Variants in APOBEC3G observed in about 807,000 individuals in gnomAD.
APOBEC3G encodes DNA dC->dU-editing enzyme APOBEC-3G.
A neutral mutation model predicts 50.0 loss-of-function variants in APOBEC3G; 44 were observed. The observed-to-expected ratio is 0.88, with a 90% CI of 0.69 to 1.13. The LOEUF is 1.13. Among genes scored for constraint, APOBEC3G ranks in the 50% most tolerant of loss-of-function variants. APOBEC3G has a pLI of 0.00. For missense variants in APOBEC3G, 469 were observed against 492.0 expected, an observed-to-expected ratio of 0.95 and a Z score of 0.44; for synonymous variants, 156 against 175.3, an observed-to-expected ratio of 0.89 and a Z score of 0.87.
At chr22:39,081,905 C>A in intron 4 of APOBEC3G, 1 of 278,850 alleles carries the variant, frequency 3.6e-6, no homozygotes, top group Non-Finnish European at 6.8e-6. Flanking sequence ...CCGAATTTGT[C>A]GTAAAACTGG....
At chr22:39,084,521 G>A (rs913966507) in intron 5 of APOBEC3G, among the ~76,000 whole-genome samples, 3 of 107,804 alleles carry the variant, frequency 2.8e-5, no homozygotes, top group Non-Finnish European at 4.1e-5. Flanking sequence ...GCGAGACTCC[G>A]TCTCAAGAAA....
rs770604583 is a variant in APOBEC3G at position 39,077,359 on chromosome 22, A to G, written c.-3A>G. 1.3e-6 allele frequency: 2 copies of G among 1,580,318 alleles called. No individual in the cohort carries two copies. Among genetic ancestry groups the G allele is most frequent in the Non-Finnish European group, 1.7e-6 (2 of 1,162,690 alleles). ...GATCTTAGTCGGGACTAGCCGGCCAAGGATGAAGCCTCACTTCAGGTACCG... is the reference window on the plus strand; with the variant it reads ...GATCTTAGTCGGGACTAGCCGGCCAGGGATGAAGCCTCACTTCAGGTACCG... On this transcript the variant is annotated 5_prime_UTR_variant, in exon 1 of 8. Coordinates refer to ENST00000407997, the MANE Select transcript of APOBEC3G (RefSeq NM_021822.4).
chr22:39,086,990 A>G (rs542618653), intron 6 of APOBEC3G, 21 bp from the exon 7 acceptor site: 1 of 1,582,852 alleles, frequency 6.3e-7, no homozygotes, highest in African/African-American at 1.3e-5. Context: ...AGTGTGACTT[A>G]TCTCCCCTGT....
At chr22:39,083,653 G>A in intron 4 of APOBEC3G, 78 bp from the exon 5 acceptor site, 2 of 1,523,764 alleles carry the variant, frequency 1.3e-6, no homozygotes, top group Non-Finnish European at 1.8e-6. Context: ...GTGCAAGGGA[G>A]GAAGCGTGGA....
chr22:39,087,659 A>C lies in APOBEC3G; in HGVS notation c.*238A>C. The C allele has an allele frequency of 2.5e-6, 2 of 789,910 alleles. No individual in the cohort carries two copies. The highest frequency in any genetic ancestry group is 4.4e-5 in the South Asian group (2 of 45,448). The allele number at this position is 789,910 out of a possible 1,614,324, so 48.9% of individuals were successfully genotyped here. On this transcript the variant is annotated 3_prime_UTR_variant, in exon 8 of 8. Transcript: ENST00000407997. The stretch of plus-strand genomic sequence containing the variant: ...TACTAAGATTGTGCTCAATACACAG[A>C]AAAGTTTCAAACCTACTAATCCAGC...
chr22:39,084,250 C>T (rs937625659), intron 5 of APOBEC3G, among the ~76,000 whole-genome samples: 4 of 152,142 alleles, frequency 2.6e-5, no homozygotes, highest in Non-Finnish European at 4.4e-5. Context: ...CGCTTCCGGC[C>T]GGGCACGGTG....
chr22:39,077,506 C>G, intron 1 of APOBEC3G, 128 bp downstream of exon 1: 2 of 1,485,554 alleles, frequency 1.3e-6, no homozygotes, highest in South Asian at 2.4e-5. Flanking sequence ...TCTGACTCCC[C>G]TGCACCCCCT....
rs1011553055 is a variant in APOBEC3G, at chr22:39,080,942, G to A, written c.181G>A (p.Glu61Lys). 4.6e-5 allele frequency: 72 copies of A among 1,557,172 alleles called. No homozygotes were observed. The highest frequency in any genetic ancestry group is 6.2e-5 in the Non-Finnish European group (71 of 1,144,784). Residue 61 changes from glutamate to lysine, a missense_variant, in exon 3 of 8, where the codon GAA (glutamate) becomes AAA (lysine). Physicochemically the swap from Glu to Lys is moderately conservative, Grantham distance 56 (BLOSUM62 1). Coordinates refer to ENST00000407997, the MANE Select transcript of APOBEC3G (RefSeq NM_021822.4). ...AKIFRGQVYS[E>K]LKYHPEMRFF... The stretch of plus-strand genomic sequence containing the variant: ...CCTGCTCCTCTCCCAGGTGTATTCC[G>A]AACTTAAGTACCACCCAGAGATGAG...
intron 2 of APOBEC3G, chr22:39,080,055 AAAG>A (rs1257713818): frequency 5.8e-6 from 1 of 172,974 alleles, no homozygotes; most frequent in African/African-American, 2.4e-5. Flanking sequence ...AAAAAAAAAA[AAAG>A]AAATGAGTGG....
intron 4 of APOBEC3G, among the ~76,000 whole-genome samples, chr22:39,083,437 G>C (rs1417741668): frequency 6.6e-6 from 1 of 152,162 alleles, no homozygotes; most frequent in African/African-American, 2.4e-5. Flanking sequence ...AGACCCAGCT[G>C]TACCCCAGGG....
At chr22:39,081,261 A>G (rs1231639461) in intron 3 of APOBEC3G, 34 bp downstream of exon 3, 2 of 1,604,916 alleles carry the variant, frequency 1.2e-6, no homozygotes. Flanking sequence ...TGTGGGAGAG[A>G]CTGCTTAAGT....
Position 39,083,887 on chromosome 22 carries a change from G to T in APOBEC3G, c.735+3G>T. ...GCAGGGGCTTTCTATGCAACCAGGT[G>T]ACCAACCCAGCCACCCGCATCCAGG... On this transcript the variant is annotated splice_donor_region_variant and intron_variant, in intron 5 of 7. Coordinates refer to ENST00000407997, the MANE Select transcript of APOBEC3G (RefSeq NM_021822.4). 1.9e-6 allele frequency: 3 copies of T among 1,612,078 alleles called. No homozygotes were observed. The South Asian group carries it at 3.3e-5, about 18-fold the overall frequency.
rs1388594767 is a variant in APOBEC3G at position 39,081,556 on chromosome 22, A to G, written c.552A>G (p.Leu184=). The G allele has an allele frequency of 6.2e-7, 1 of 1,613,968 alleles. No individual in the cohort carries two copies. Among genetic ancestry groups the G allele is most frequent in the Non-Finnish European group, 8.5e-7 (1 of 1,179,942 alleles). Residue 184 remains leucine (L), a synonymous_variant, in exon 4 of 8, where the codon TTA becomes TTG. Transcript: ENST00000407997. ...PWNNLPKYYI[L]LHIMLGEILR... Reference sequence around the variant, plus strand: ...ATAATCTGCCTAAATATTATATATTACTGCACATCATGCTGGGGGAGATTC... The same window carrying G: ...ATAATCTGCCTAAATATTATATATTGCTGCACATCATGCTGGGGGAGATTC...
chr22:39,077,236 G>T (rs1352285213), upstream of APOBEC3G: 3 of 1,512,550 alleles, frequency 2.0e-6, no homozygotes, highest in Non-Finnish European at 2.7e-6. Context: ...GAAGCGGGAG[G>T]GGCCATGACT....
At position 39,087,588 on chromosome 22, in the gene APOBEC3G, G is replaced by A. The variant is rs1928755605; in HGVS notation, c.*167G>A. 7.6e-7 allele frequency: 1 copy of A among 1,319,982 alleles called. No homozygotes were observed. 81.8% of individuals were successfully genotyped at this position (1,319,982 alleles called of 1,614,324 possible). On this transcript the variant is annotated 3_prime_UTR_variant, in exon 8 of 8. Coordinates refer to ENST00000407997, the MANE Select transcript of APOBEC3G (RefSeq NM_021822.4). The stretch of plus-strand genomic sequence containing the variant: ...CAAGTAGATTCTTTTAAAAATTAGA[G>A]TGCATTACTTTGAATCAAAAATTTA...
intron 2 of APOBEC3G, 109 bp from the exon 3 acceptor site, chr22:39,080,824 A>G (rs1423960476): frequency 1.5e-5 from 15 of 1,015,930 alleles, no homozygotes; most frequent in Admixed American, 2.8e-5. Context: ...AGGAGCTTCA[A>G]TGGCAAGATC....
In APOBEC3G at chr22:39,080,792, A is replaced by G; in HGVS notation, c.172-141A>G. The G allele has an allele frequency of 6.4e-6, 5 of 779,026 alleles. No individual in the cohort carries two copies. The South Asian group carries it at 9.3e-5, about 15-fold the overall frequency. 48.3% of individuals were successfully genotyped at this position (779,026 alleles called of 1,614,324 possible). A position where few individuals can be genotyped will look rare whatever the true frequency, so the allele number is the denominator to read the frequency against. On this transcript the variant is annotated intron_variant, in intron 2 of 7. Transcript: ENST00000407997. ...AGCTTTGGAGCAGACAAACACTCAA[A>G]CCGAACAGGGGGATGGAGGAAAGGA... is the stretch of plus-strand genomic sequence containing the variant.
At chr22:39,079,164 T>A in intron 2 of APOBEC3G, 79 bp downstream of exon 2, 1 of 1,494,310 alleles carries the variant, frequency 6.7e-7, no homozygotes, top group Non-Finnish European at 8.9e-7. Flanking sequence ...ATAAGTGAAG[T>A]GCCCGGCGGC....
chr22:39,078,718 CTCT>C (rs890107209), intron 1 of APOBEC3G: 1 of 592,368 alleles, frequency 1.7e-6, no homozygotes, highest in Non-Finnish European at 2.8e-6. Context: ...GTCTCTCTCT[CTCT>C]TTTTTTTTGA....
Sources: allele counts gnomAD v4.1 joint callset (sites outside exome capture counted in the v4.1 genomes callset), GRCh38; gene constraint gnomAD v4.1.1; transcripts MANE v1.5; gene names NCBI Gene and HGNC (gene_info 2026-07-23, HGNC 2026-07-21).